SPATA13: variants seen among roughly 807,000 people sequenced by gnomAD.
SPATA13 encodes spermatogenesis-associated protein 13.
In SPATA13, 50 loss-of-function variants were observed where a neutral mutation model predicts 104.0. That is an observed-to-expected ratio of 0.48 (90% confidence interval 0.38 to 0.61). SPATA13 has a LOEUF of 0.61. Among genes scored for constraint, SPATA13 ranks in the 20% least tolerant of loss-of-function variants. The pLI, the probability that SPATA13 is intolerant of heterozygous loss-of-function variation, is 0.00. For missense variants in SPATA13, 1,524 were observed against 1,690.6 expected (o/e 0.90, Z 1.73); for synonymous variants, 606 against 667.5 (o/e 0.91, Z 1.42).
chr13:24,278,365 C>T (rs765570152), intron 4 of SPATA13, among the ~76,000 whole-genome samples: 8 of 152,020 alleles, frequency 5.3e-5, no homozygotes, highest in Non-Finnish European at 1.2e-4. Context: ...TTATATGAGC[C>T]GGTTCATCTC....
chr13:24,264,533 C>T (rs754383590), intron 4 of SPATA13, among the ~76,000 whole-genome samples: 4 of 152,200 alleles, frequency 2.6e-5, no homozygotes, highest in East Asian at 1.9e-4. Flanking sequence ...TTCAGTTTCC[C>T]GTATGTTTTC....
chr13:24,081,621 C>T (rs1879523315), intron 3 of SPATA13, among the ~76,000 whole-genome samples: 1 of 152,118 alleles, frequency 6.6e-6, no homozygotes. Context: ...CTGTAGTGAG[C>T]TATGATTGCA....
At chr13:24,272,470 A>G (rs1290625790) in intron 4 of SPATA13, among the ~76,000 whole-genome samples, 3 of 152,158 alleles carry the variant, frequency 2.0e-5, no homozygotes, top group East Asian at 3.9e-4. Flanking sequence ...ACCATATTTA[A>G]AACAAATAAT....
chr13:24,156,747 A>G (rs1309314529), upstream of SPATA13, among the ~76,000 whole-genome samples: 1 of 152,166 alleles, frequency 6.6e-6, no homozygotes, highest in Non-Finnish European at 1.5e-5. Context: ...TACATACATT[A>G]TTACACTTAA....
At chr13:24,075,955 A>G (rs1376447299) in intron 3 of SPATA13, among the ~76,000 whole-genome samples, 2 of 152,138 alleles carry the variant, frequency 1.3e-5, no homozygotes, top group Admixed American at 1.3e-4. Context: ...AGAATGGGGG[A>G]AAAAACTAAA....
intron 3 of SPATA13, among the ~76,000 whole-genome samples, chr13:24,041,162 C>T (rs1216763146): frequency 2.6e-5 from 4 of 152,218 alleles, no homozygotes; most frequent in African/African-American, 9.6e-5. Context: ...TAGCTTGATT[C>T]AACCCACAGT....
intron 2 of SPATA13, among the ~76,000 whole-genome samples, chr13:24,000,564 A>C (rs1875912625): frequency 6.6e-6 from 1 of 152,132 alleles, no homozygotes; most frequent in African/African-American, 2.4e-5. Flanking sequence ...CAACAACATA[A>C]GATGTTTGCT....
At chr13:24,284,114 C>A (rs1312940297) in intron 4 of SPATA13, 21 bp from the exon 5 acceptor site, 2 of 1,589,026 alleles carry the variant, frequency 1.3e-6, no homozygotes, top group South Asian at 1.1e-5. Flanking sequence ...TTAAATCATG[C>A]CTTTGTTTTG....
chr13:24,070,494 GC>G (rs1021000521), intron 3 of SPATA13, among the ~76,000 whole-genome samples: 6 of 152,200 alleles, frequency 3.9e-5, no homozygotes, highest in Non-Finnish European at 8.8e-5. Flanking sequence ...TCTACTCTGA[GC>G]CAATAGAACT....
chr13:24,248,335 G>A (rs1593459432), intron 2 of SPATA13, among the ~76,000 whole-genome samples: 1 of 152,236 alleles, frequency 6.6e-6, no homozygotes, highest in South Asian at 2.1e-4. Context: ...AATGGCTGCA[G>A]AGCCAGATCA....
intron 1 of SPATA13, among the ~76,000 whole-genome samples, chr13:24,166,322 A>G (rs1423257840): frequency 3.3e-5 from 5 of 152,172 alleles, no homozygotes; most frequent in Non-Finnish European, 5.9e-5. Flanking sequence ...GCAGTCAGTT[A>G]GGGGAGAAGA....
At chr13:24,067,948 C>T (rs1309217598) in intron 3 of SPATA13, among the ~76,000 whole-genome samples, 1 of 152,218 alleles carries the variant, frequency 6.6e-6, no homozygotes, top group Non-Finnish European at 1.5e-5. Context: ...AGGTGATCTG[C>T]ATGCCTTGGC....
chr13:24,212,195 T>C (rs1871058414), intron 1 of SPATA13, among the ~76,000 whole-genome samples: 1 of 151,868 alleles, frequency 6.6e-6, no homozygotes. Flanking sequence ...GGAGGATTGC[T>C]TGAGGCCAGG....
intron 3 of SPATA13, among the ~76,000 whole-genome samples, chr13:24,061,793 A>T (rs1878781173): frequency 6.6e-6 from 1 of 152,088 alleles, no homozygotes; most frequent in Non-Finnish European, 1.5e-5. Context: ...TGGGTGATGA[A>T]ATAATCTTTA....
At chr13:24,238,844 G>A (rs1443359885) in intron 2 of SPATA13, among the ~76,000 whole-genome samples, 2 of 152,150 alleles carry the variant, frequency 1.3e-5, no homozygotes, top group African/African-American at 2.4e-5. Context: ...TAAACCTACT[G>A]GAAATATTTG....
At chr13:23,988,609 A>G (rs146791439) in intron 2 of SPATA13, among the ~76,000 whole-genome samples, 2 of 152,314 alleles carry the variant, frequency 1.3e-5, no homozygotes, top group Non-Finnish European at 2.9e-5. Flanking sequence ...GTACCAATTC[A>G]TGTGTCCTTT....
chr13:24,067,505 G>T (rs1236144033), intron 3 of SPATA13, among the ~76,000 whole-genome samples: 1 of 152,150 alleles, frequency 6.6e-6, no homozygotes, highest in Non-Finnish European at 1.5e-5. Flanking sequence ...AATACAAGTA[G>T]ATTCAAGAAA....
chr13:24,221,153 G>A (rs1871564400), intron 1 of SPATA13, among the ~76,000 whole-genome samples: 1 of 152,158 alleles, frequency 6.6e-6, no homozygotes, highest in Non-Finnish European at 1.5e-5. Context: ...TACTGCAGTG[G>A]AGAAGAGTGT....
At chr13:24,086,199 G>T (rs1477680787) in intron 3 of SPATA13, among the ~76,000 whole-genome samples, 2 of 152,156 alleles carry the variant, frequency 1.3e-5, no homozygotes, top group Admixed American at 6.5e-5. Context: ...AACAGGCCCG[G>T]CTACGTTTGA....
Sources: allele counts gnomAD v4.1 joint callset (sites outside exome capture counted in the v4.1 genomes callset), GRCh38; gene constraint gnomAD v4.1.1; transcripts MANE v1.5; gene names NCBI Gene and HGNC (gene_info 2026-07-23, HGNC 2026-07-21).